Variants in USP10 observed in about 807,000 individuals in gnomAD.
The protein encoded by USP10 is ubiquitin specific peptidase 10, also known as ubiquitin carboxyl-terminal hydrolase 10.
USP10 carries 22 observed loss-of-function variants against 84.5 expected under a neutral mutation model. The observed-to-expected ratio is 0.26, with a 90% CI of 0.19 to 0.37. The LOEUF (loss-of-function observed/expected upper bound fraction) is 0.37. Ranked by LOEUF, USP10 falls within the 10% of genes least tolerant of loss-of-function variation. USP10 has a pLI of 1.00. For missense variants in USP10, 1,019 were observed against 998.9 expected, an observed-to-expected ratio of 1.02 and a Z score of -0.27; for synonymous variants, 454 against 387.6, an observed-to-expected ratio of 1.17 and a Z score of -2.01.
intron 8 of USP10, 94 bp downstream of exon 8, chr16:84,760,369 C>T: frequency 9.2e-7 from 1 of 1,092,764 alleles, no homozygotes; most frequent in Admixed American, 2.2e-5. Context: ...TGCCCTCTGT[C>T]TCCAGCGCTA....
intron 1 of USP10, among the ~76,000 whole-genome samples, chr16:84,715,585 A>G (rs889829541): frequency 2.0e-5 from 3 of 151,990 alleles, no homozygotes; most frequent in African/African-American, 7.3e-5. Context: ...CTGCCCAACT[A>G]TCCTTTTATC....
intron 1 of USP10, chr16:84,716,550 T>C (rs1449590832): frequency 6.6e-6 from 1 of 152,218 alleles, no homozygotes; most frequent in African/African-American, 2.4e-5. Context: ...ATATGAACAG[T>C]GCTTTGGCAG....
intron 4 of USP10, among the ~76,000 whole-genome samples, chr16:84,751,705 G>T (rs1447597462): frequency 1.3e-5 from 2 of 152,206 alleles, no homozygotes; most frequent in African/African-American, 4.8e-5. Flanking sequence ...GAAAAGAAAA[G>T]CACTTGGAGA....
chr16:84,750,863 G>C (rs1465069812), intron 4 of USP10, among the ~76,000 whole-genome samples: 1 of 152,156 alleles, frequency 6.6e-6, no homozygotes, highest in Non-Finnish European at 1.5e-5. Flanking sequence ...GAGGTATCTA[G>C]CAATGTCATT....
At chr16:84,772,192 C>T (rs1024042340) in intron 11 of USP10, among the ~76,000 whole-genome samples, 1 of 152,098 alleles carries the variant, frequency 6.6e-6, no homozygotes, top group African/African-American at 2.4e-5. Flanking sequence ...GCTGGGGTTA[C>T]AGGCGCCCAC....
chr16:84,768,163 A>T (rs1181219669), intron 10 of USP10, 30 bp from the exon 11 acceptor site: 5 of 1,550,896 alleles, frequency 3.2e-6, no homozygotes, highest in South Asian at 1.2e-5. Context: ...GTGGTCTCTT[A>T]ATTTTTTTGT....
chr16:84,734,173 T>C (rs1239123303), intron 2 of USP10, among the ~76,000 whole-genome samples: 6 of 152,188 alleles, frequency 3.9e-5, no homozygotes, highest in Non-Finnish European at 8.8e-5. Flanking sequence ...ACCGAGCCTC[T>C]TTAGTTTCAC....
chr16:84,740,397 G>C (rs544334578), intron 3 of USP10, 28 bp downstream of exon 3: 2 of 1,602,352 alleles, frequency 1.2e-6, no homozygotes, highest in Admixed American at 1.7e-5. Context: ...TTATTTCCCT[G>C]AAGGGAATTT....
intron 3 of USP10, among the ~76,000 whole-genome samples, chr16:84,742,011 C>T (rs935137876): frequency 6.6e-5 from 10 of 152,208 alleles, no homozygotes; most frequent in African/African-American, 2.4e-4. Context: ...AAGCCCTTTG[C>T]AGAGGCACCT....
At chr16:84,747,811 C>T (rs759770279) in intron 4 of USP10, among the ~76,000 whole-genome samples, 6 of 151,976 alleles carry the variant, frequency 3.9e-5, no homozygotes, top group Admixed American at 6.6e-5. Flanking sequence ...AAGTGATCTG[C>T]TCGCTTCAGC....
In USP10 at chr16:84,745,113, G is replaced by T; in HGVS notation, c.632G>T (p.Ser211Ile). ...PPSVTPRTCN[S>I]PQNSTDSVSD... ...TCAGTTACGCCCAGGACTTGTAACA[G>T]CCCCCAGAACTCCACAGACTCTGTC... Residue 211 changes from serine to isoleucine, a missense_variant, in exon 4 of 14, where the codon AGC becomes ATC. Ser to Ile is a moderately radical substitution (Grantham distance 142). This residue lies in a region of USP10 where 787 missense variants were observed against 708.8 expected (regional missense o/e 1.11). Transcript: ENST00000219473. 1.9e-6 allele frequency: 3 copies of T among 1,613,528 alleles called. No individual in the cohort carries two copies. In the South Asian group the frequency reaches 3.3e-5, roughly 18 times the overall value.
At chr16:84,766,687 C>T (rs992287004) in intron 10 of USP10, among the ~76,000 whole-genome samples, 2 of 152,150 alleles carry the variant, frequency 1.3e-5, no homozygotes, top group Non-Finnish European at 2.9e-5. Flanking sequence ...TACCAGCGTC[C>T]ATTTGGAGGA....
chr16:84,774,214 G>A (rs1177608696), intron 12 of USP10, among the ~76,000 whole-genome samples: 1 of 151,826 alleles, frequency 6.6e-6, no homozygotes, highest in Non-Finnish European at 1.5e-5. Flanking sequence ...CTGCACTCCA[G>A]CCTGGGCAAC....
At position 84,745,291 on chromosome 16, in the gene USP10, T is replaced by G. The variant is rs779296840; in HGVS notation, c.810T>G (p.Ala270=). The part of the protein sequence containing the change: ...GRDTLSRTAG[A]QPCVGTDTTE... ...ACACCCTGTCAAGGACAGCTGGGGC[T>G]CAGCCCTGCGTTGGTACCGATACTA... Residue 270 remains alanine, a synonymous_variant, in exon 4 of 14, where the codon GCT becomes GCG. Transcript: ENST00000219473. 6.2e-7 allele frequency: 1 copy of G among 1,613,290 alleles called. No individual in the cohort carries two copies. The highest frequency in any genetic ancestry group is 1.3e-5 in the African/African-American group (1 of 75,048).
intron 1 of USP10, among the ~76,000 whole-genome samples, chr16:84,729,851 T>C (rs921754632): frequency 6.6e-6 from 1 of 152,224 alleles, no homozygotes; most frequent in Non-Finnish European, 1.5e-5. Flanking sequence ...TGTTAAATGA[T>C]AGTTCAGTGT....
chr16:84,747,680 C>T (rs954193898), intron 4 of USP10, among the ~76,000 whole-genome samples: 4 of 149,960 alleles, frequency 2.7e-5, no homozygotes, highest in African/African-American at 4.9e-5. Flanking sequence ...TCTCCTGCCT[C>T]GGCCTCCCAA....
chr16:84,702,186 A>G (rs1904971826), intron 1 of USP10, among the ~76,000 whole-genome samples: 2 of 150,000 alleles, frequency 1.3e-5, no homozygotes, highest in Admixed American at 1.3e-4. Context: ...CCTCCCAAGT[A>G]GCTGGGATTA....
rs1913411565 is a variant in USP10, at chr16:84,763,195, C to G, written c.1654+107C>G. ...CCCTGCCCCTCAGTCGTTTTCCTTT[C>G]AAATAGCATTTATTCCCTACGATAA... is the stretch of plus-strand genomic sequence containing the variant. On this transcript the variant is annotated intron_variant, in intron 9 of 13. Transcript: ENST00000219473. 6.5e-5 allele frequency: 39 copies of G among 595,602 alleles called. 1 individual carries two copies. The East Asian group carries it at 1.0e-3, about 16-fold the overall frequency. The allele number at this position is 595,602 out of a possible 1,614,324, so 36.9% of individuals were successfully genotyped here. A position where few individuals can be genotyped will look rare whatever the true frequency, so the allele number is the denominator to read the frequency against.
chr16:84,733,336 C>T, intron 1 of USP10, 99 bp from the exon 2 acceptor site: 1 of 933,762 alleles, frequency 1.1e-6, no homozygotes, highest in Non-Finnish European at 1.7e-6. Context: ...GGGTTATGGC[C>T]CAAATGTTGC....
Sources: gnomAD v4.1 joint callset for allele counts (sites outside exome capture counted in the v4.1 genomes callset) on GRCh38, gnomAD v4.1.1 for gene constraint, gnomAD v4.1.1 regional missense constraint, MANE v1.5 for transcripts, NCBI Gene and HGNC (gene_info 2026-07-23, HGNC 2026-07-21) for gene names.